Variants in RNF17 observed in about 807,000 individuals in gnomAD.
The protein encoded by RNF17 is ring finger protein 17.
Under a neutral mutation model 200.5 loss-of-function variants are expected in RNF17, and 31 were observed. That is an observed-to-expected ratio of 0.15 (90% CI 0.12 to 0.21). The LOEUF (loss-of-function observed/expected upper bound fraction) is 0.21, where lower values mean the gene tolerates loss of function less well. Among genes scored for constraint, RNF17 ranks in the 10% least tolerant of loss-of-function variants. The pLI, the probability that RNF17 is intolerant of heterozygous loss-of-function variation, is 1.00. For missense variants in RNF17, 1,628 were observed against 1,905.1 expected (o/e 0.85, Z 2.71); for synonymous variants, 606 against 637.8 (o/e 0.95, Z 0.75).
At chr13:24,883,364 C>T (rs1566275283), downstream of RNF17, 4 of 1,597,296 alleles carry the variant, frequency 2.5e-6, no homozygotes, top group Non-Finnish European at 3.4e-6. Context: ...GAGTTTGTTG[C>T]CATCACTGTA....
downstream of RNF17, among the ~76,000 whole-genome samples, chr13:24,881,685 TAGATATCTATATAGATTATCTAGGTATAC>T (rs1251101834): frequency 1.1e-4 from 16 of 150,044 alleles, 1 homozygote; most frequent in African/African-American, 3.6e-4. Context: ...ATCTAGATTA[TAGATATCTATATAGATTATCTAGGTATAC>T]AGATATATCT....
intron 18 of RNF17, among the ~76,000 whole-genome samples, chr13:24,834,985 AAC>A (rs1566198431): frequency 6.6e-6 from 1 of 151,998 alleles, no homozygotes; most frequent in African/African-American, 2.4e-5. Flanking sequence ...TGATGGGGGG[AAC>A]ACAGTGGGAA....
intron 15 of RNF17, among the ~76,000 whole-genome samples, chr13:24,822,105 C>A (rs924174102): frequency 4.6e-5 from 7 of 152,128 alleles, no homozygotes; most frequent in African/African-American, 1.4e-4. Flanking sequence ...TTGGTTCAGT[C>A]AGGTTTGATG....
intron 18 of RNF17, among the ~76,000 whole-genome samples, chr13:24,839,680 G>T (rs1890400698): frequency 1.3e-5 from 2 of 152,074 alleles, no homozygotes; most frequent in Admixed American, 6.6e-5. Context: ...GTTAGCCACA[G>T]GTAAGAGAAT....
intron 15 of RNF17, among the ~76,000 whole-genome samples, chr13:24,813,057 T>C (rs1227040501): frequency 2.0e-5 from 3 of 152,340 alleles, no homozygotes; most frequent in Admixed American, 6.5e-5. Context: ...CCAGTGATAC[T>C]GAACATCTTT....
At chr13:24,794,403 A>G (rs1884279680) in intron 10 of RNF17, 2 of 339,626 alleles carry the variant, frequency 5.9e-6, no homozygotes, top group South Asian at 2.3e-5. Flanking sequence ...GCCAGACACC[A>G]TGGCTCACAC....
chr13:24,874,759 T>A (rs1894679357), intron 33 of RNF17, among the ~76,000 whole-genome samples: 2 of 152,154 alleles, frequency 1.3e-5, no homozygotes. Context: ...TTAAATACAT[T>A]CACAAGGTTA....
intron 26 of RNF17, among the ~76,000 whole-genome samples, chr13:24,859,883 T>C (rs1368620124): frequency 6.6e-6 from 1 of 152,050 alleles, no homozygotes; most frequent in Admixed American, 6.6e-5. Context: ...TTTACAGTTA[T>C]CCTAGACATA....
At chr13:24,879,591 A>G in intron 35 of RNF17, 146 bp from the exon 36 acceptor site, 1 of 228,398 alleles carries the variant, frequency 4.4e-6, no homozygotes, top group Non-Finnish European at 8.5e-6. Flanking sequence ...TGCTAAGCAC[A>G]TAGAACTACT....
chr13:24,799,709 AC>A, intron 12 of RNF17, 125 bp downstream of exon 12: 1 of 622,130 alleles, frequency 1.6e-6, no homozygotes, highest in South Asian at 2.3e-5. Context: ...TCCAAGACAT[AC>A]GTTTTATTAT....
chr13:24,840,983 T>A (rs1034867915), intron 18 of RNF17, among the ~76,000 whole-genome samples: 1 of 152,244 alleles, frequency 6.6e-6, no homozygotes. Flanking sequence ...GCTTTTTATT[T>A]AGAATCATTC....
chr13:24,821,263 A>G (rs1160999841), intron 15 of RNF17, among the ~76,000 whole-genome samples: 1 of 152,158 alleles, frequency 6.6e-6, no homozygotes, highest in South Asian at 2.1e-4. Flanking sequence ...CCTCATTTTA[A>G]CATGATTATA....
chr13:24,848,478 A>G (rs1394077567), intron 22 of RNF17, among the ~76,000 whole-genome samples: 2 of 152,180 alleles, frequency 1.3e-5, no homozygotes, highest in Non-Finnish European at 2.9e-5. Flanking sequence ...CCTGGCCAAC[A>G]TGGTGAAACT....
chr13:24,870,629 C>T lies in RNF17; in HGVS notation c.4337C>T (p.Thr1446Ile). 6.2e-7 allele frequency: 1 copy of T among 1,614,040 alleles called. No individual in the cohort carries two copies. The highest frequency in any genetic ancestry group is 1.1e-5 in the South Asian group (1 of 91,078). The change falls in exon 32 of 36, where the codon ACA becomes ATA. Residue 1446 changes from threonine to isoleucine, a missense_variant. By Grantham distance (89) the Thr-to-Ile change is moderately conservative. This residue lies in a region of RNF17 where 609 missense variants were observed against 681.9 expected (regional missense o/e 0.89). Transcript: ENST00000255324. Reference sequence around the variant, plus strand: ...AACCAGTCTAACCAGCATAGTGACACAGATGATAGTGGAGTCAGCGGGGAA... The same window carrying T: ...AACCAGTCTAACCAGCATAGTGACATAGATGATAGTGGAGTCAGCGGGGAA... ...TSNQSNQHSDTDDSGVSGESE... is the reference protein window; with the variant it reads ...TSNQSNQHSDIDDSGVSGESE...
downstream of RNF17, among the ~76,000 whole-genome samples, chr13:24,881,849 CATCTATATAGATAT>C (rs1953835870): frequency 2.7e-5 from 3 of 110,790 alleles, no homozygotes; most frequent in African/African-American, 9.4e-5. Flanking sequence ...TATATAGATA[CATCTATATAGATAT>C]ATAGATACAT....
the RNF17 span, among the ~76,000 whole-genome samples, chr13:24,750,440 A>G: frequency 6.6e-6 from 1 of 152,212 alleles, no homozygotes; most frequent in Admixed American, 6.5e-5. Context: ...CTCCAAGAAG[A>G]TGCCTCATGC....
At chr13:24,798,557 T>G (rs145060761) in intron 11 of RNF17, among the ~76,000 whole-genome samples, 1 of 152,292 alleles carries the variant, frequency 6.6e-6, no homozygotes, top group East Asian at 1.9e-4. Context: ...AATATGTAGT[T>G]TAAATGGGCT....
At chr13:24,774,972 T>G in intron 3 of RNF17, 68 bp downstream of exon 3, 1 of 1,041,848 alleles carries the variant, frequency 9.6e-7, no homozygotes, top group East Asian at 2.5e-5. Context: ...TTAGAATTAT[T>G]GATAAAATGT....
rs34548311 is a variant in RNF17, at chr13:24,768,991, C to CT, written c.225+1643dup. 9.0e-3 allele frequency among the ~76,000 whole-genome samples: 956 copies of CT among 105,720 alleles called. 16 individuals are homozygous for CT. The highest frequency in any genetic ancestry group is 0.029 in the African/African-American group (854 of 29,190). 69.4% of individuals were successfully genotyped at this position (105,720 alleles called of 152,430 possible). On this transcript the variant is annotated intron_variant, in intron 2 of 35. Transcript: ENST00000255324. ...TTGTGGGAAATTCCTAACCTCTTCC[C>CT]TTTTTTTTTTTTTTTTTTGACATGG...
Sources: allele counts gnomAD v4.1 joint callset (sites outside exome capture counted in the v4.1 genomes callset), GRCh38; gene constraint gnomAD v4.1.1; regional missense constraint gnomAD v4.1.1; transcripts MANE v1.5; gene names NCBI Gene and HGNC (gene_info 2026-07-23, HGNC 2026-07-21).